TUSC3: variants seen among roughly 807,000 people sequenced by gnomAD.
The protein encoded by TUSC3 is tumor suppressor candidate 3, also known as dolichyl-diphosphooligosaccharide--protein glycosyltransferase subunit TUSC3.
TUSC3 carries 45 observed loss-of-function variants against 44.8 expected under a neutral mutation model. That is an observed-to-expected ratio of 1.00 (90% CI 0.79 to 1.29). The LOEUF (loss-of-function observed/expected upper bound fraction) is 1.29, where lower values mean the gene tolerates loss of function less well. Ranked by LOEUF, TUSC3 falls within the 50% of genes most tolerant of loss-of-function variation. The probability of loss-of-function intolerance (pLI) is 0.00; values close to 1 mark genes in which losing one functional copy is unlikely to be tolerated. For synonymous variants in TUSC3, 212 were observed against 152.9 expected (o/e 1.39, Z -2.85); for missense variants, 519 against 437.9 (o/e 1.19, Z -1.65).
intron 6 of TUSC3, among the ~76,000 whole-genome samples, chr8:15,712,030 C>G (rs1037708884): frequency 1.3e-5 from 2 of 151,842 alleles, no homozygotes; most frequent in Non-Finnish European, 2.9e-5. Context: ...AGAAAACATA[C>G]TAAATTGCTG....
intron 9 of TUSC3, among the ~76,000 whole-genome samples, chr8:15,750,844 A>G (rs1811666878): frequency 6.6e-6 from 1 of 152,056 alleles, no homozygotes; most frequent in Admixed American, 6.5e-5. Context: ...TGCTAGAAAT[A>G]TAGATGAAAC....
intron 1 of TUSC3, among the ~76,000 whole-genome samples, chr8:15,431,321 A>G (rs1799869654): frequency 6.6e-6 from 1 of 151,700 alleles, no homozygotes; most frequent in Non-Finnish European, 1.5e-5. Context: ...CAATCCATGA[A>G]CACATATATC....
chr8:15,808,503 C>T, the TUSC3 span, among the ~76,000 whole-genome samples: 2 of 152,022 alleles, frequency 1.3e-5, no homozygotes, highest in African/African-American at 2.4e-5. Flanking sequence ...TCTTGTTGGC[C>T]AATTCTGCTT....
chr8:15,848,161 TCAA>T, the TUSC3 span, among the ~76,000 whole-genome samples: 1 of 152,028 alleles, frequency 6.6e-6, no homozygotes, highest in African/African-American at 2.4e-5. Context: ...TCGTCTGTGG[TCAA>T]CCACAAGCAT....
chr8:15,595,115 T>C (rs554291164), intron 1 of TUSC3, among the ~76,000 whole-genome samples: 52 of 152,304 alleles, frequency 3.4e-4, no homozygotes, highest in African/African-American at 1.3e-3. Flanking sequence ...CCCATCACTT[T>C]GTTATTCTCA....
chr8:15,851,076 G>A, the TUSC3 span, among the ~76,000 whole-genome samples: 2 of 152,170 alleles, frequency 1.3e-5, no homozygotes, highest in Non-Finnish European at 2.9e-5. Context: ...AATGGACGAC[G>A]CGACGCTTTT....
intron 6 of TUSC3, among the ~76,000 whole-genome samples, chr8:15,727,530 G>A (rs1447848658): frequency 1.3e-5 from 2 of 152,106 alleles, no homozygotes; most frequent in Non-Finnish European, 2.9e-5. Context: ...TTCAAGCTAA[G>A]TAAATCCTGA....
chr8:15,615,884 A>G (rs1247925992), intron 1 of TUSC3, among the ~76,000 whole-genome samples: 1 of 152,212 alleles, frequency 6.6e-6, no homozygotes, highest in East Asian at 1.9e-4. Flanking sequence ...ATGTAGTTAG[A>G]TAGAAGGAAT....
intron 1 of TUSC3, among the ~76,000 whole-genome samples, chr8:15,592,999 A>G (rs1803916670): frequency 6.6e-6 from 1 of 152,210 alleles, no homozygotes; most frequent in African/African-American, 2.4e-5. Flanking sequence ...AGGAAAGGTC[A>G]GGTTTGGGGG....
At chr8:15,516,075 T>A (rs1801212715) in intron 2 of TUSC3, among the ~76,000 whole-genome samples, 1 of 152,216 alleles carries the variant, frequency 6.6e-6, no homozygotes, top group South Asian at 2.1e-4. Context: ...TTCAGAAGAA[T>A]GTATAAAGCA....
chr8:15,672,134 G>C (rs1807975815), intron 5 of TUSC3, among the ~76,000 whole-genome samples: 1 of 151,958 alleles, frequency 6.6e-6, no homozygotes, highest in South Asian at 2.1e-4. Flanking sequence ...CAAGAAGAGT[G>C]GCCTGAATGG....
chr8:15,689,308 G>A, intron 6 of TUSC3: 5 of 306,228 alleles, frequency 1.6e-5, no homozygotes, highest in South Asian at 1.3e-4. Context: ...TACTTTCCTG[G>A]TAGTAGTCAC....
the TUSC3 span, among the ~76,000 whole-genome samples, chr8:15,817,430 G>A: frequency 6.6e-6 from 1 of 152,076 alleles, no homozygotes; most frequent in Non-Finnish European, 1.5e-5. Context: ...AACAAATGTG[G>A]TTTGGCTTGG....
intron 1 of TUSC3, among the ~76,000 whole-genome samples, chr8:15,546,667 C>G (rs1585088490): frequency 6.6e-6 from 1 of 151,668 alleles, no homozygotes; most frequent in East Asian, 2.0e-4. Context: ...TCCCGAGTAG[C>G]TGGGATTACA....
At chr8:15,600,353 C>T (rs1023629577) in intron 1 of TUSC3, among the ~76,000 whole-genome samples, 10 of 151,644 alleles carry the variant, frequency 6.6e-5, no homozygotes, top group African/African-American at 2.4e-4. Context: ...AATAGAGATG[C>T]TTCATCTAAG....
chr8:15,699,182 A>G (rs1276913901), intron 6 of TUSC3, among the ~76,000 whole-genome samples: 1 of 152,186 alleles, frequency 6.6e-6, no homozygotes, highest in African/African-American at 2.4e-5. Context: ...CAATTTTTTA[A>G]AAATACACTG....
chr8:15,518,606 T>C (rs1292105201), intron 2 of TUSC3, among the ~76,000 whole-genome samples: 1 of 152,176 alleles, frequency 6.6e-6, no homozygotes, highest in Non-Finnish European at 1.5e-5. Flanking sequence ...TTTCCTTTTT[T>C]TCCATAGGAT....
chr8:15,782,841 C>T, the TUSC3 span, among the ~76,000 whole-genome samples: 1 of 152,086 alleles, frequency 6.6e-6, no homozygotes, highest in Non-Finnish European at 1.5e-5. Flanking sequence ...CTACTCTCAC[C>T]ACGTGTATTC....
chr8:15,573,830 A>G (rs541384700), intron 1 of TUSC3, among the ~76,000 whole-genome samples: 2 of 152,192 alleles, frequency 1.3e-5, no homozygotes, highest in East Asian at 3.9e-4. Context: ...CTGTGCAGAA[A>G]TGTCATGGAG....
Sources: gnomAD v4.1 joint callset for allele counts (sites outside exome capture counted in the v4.1 genomes callset) on GRCh38, gnomAD v4.1.1 for gene constraint, MANE v1.5 for transcripts, NCBI Gene and HGNC (gene_info 2026-07-23, HGNC 2026-07-21) for gene names.